TMEM108: variants seen among roughly 807,000 people sequenced by gnomAD.
TMEM108 encodes cancer/testis antigen 124.
In TMEM108, 12 loss-of-function variants were observed where a neutral mutation model predicts 35.1. The observed-to-expected ratio is 0.34, with a 90% CI of 0.22 to 0.55. TMEM108 has a LOEUF of 0.55. Among genes scored for constraint, TMEM108 ranks in the 20% least tolerant of loss-of-function variants. The probability of loss-of-function intolerance (pLI) is 0.89; values close to 1 mark genes in which losing one functional copy is unlikely to be tolerated. For missense variants in TMEM108, 680 were observed against 753.3 expected (o/e 0.90, Z 1.14); for synonymous variants, 287 against 308.6 (o/e 0.93, Z 0.73).
chr3:133,210,021 A>G lies in TMEM108; in HGVS notation c.-46-19245A>G, dbSNP rs531624442. 6.6e-4 allele frequency among the ~76,000 whole-genome samples: 100 copies of G among 152,314 alleles called. 2 individuals are homozygous for G. Among genetic ancestry groups the G allele is most frequent in the Non-Finnish European group, 6.3e-4 (43 of 68,030 alleles). On this transcript the variant is annotated intron_variant, in intron 2 of 5. Coordinates refer to ENST00000321871, the MANE Select transcript of TMEM108 (RefSeq NM_023943.4). ...AAAGCTCATGTTGCTTAAAACTTGAATTGCATGAAAGGCATTGGATCCAAA... is the reference window on the plus strand; with the variant it reads ...AAAGCTCATGTTGCTTAAAACTTGAGTTGCATGAAAGGCATTGGATCCAAA...
chr3:133,222,687 T>A (rs1247099244), intron 2 of TMEM108, among the ~76,000 whole-genome samples: 1 of 152,112 alleles, frequency 6.6e-6, no homozygotes, highest in Non-Finnish European at 1.5e-5. Context: ...TTCATTTCTT[T>A]CATTGTATTA....
chr3:133,191,780 A>T (rs1340323783), intron 2 of TMEM108, among the ~76,000 whole-genome samples: 6 of 152,176 alleles, frequency 3.9e-5, no homozygotes, highest in Non-Finnish European at 8.8e-5. Context: ...GATTTTTAGA[A>T]GCTAGGAGGT....
intron 2 of TMEM108, among the ~76,000 whole-genome samples, chr3:133,204,488 C>T (rs535331780): frequency 3.9e-5 from 6 of 152,208 alleles, no homozygotes; most frequent in East Asian, 1.9e-4. Context: ...CCCAGAGATT[C>T]GGGTACATTG....
intron 3 of TMEM108, among the ~76,000 whole-genome samples, chr3:133,321,879 C>T (rs980362353): frequency 6.6e-6 from 1 of 152,104 alleles, no homozygotes; most frequent in Non-Finnish European, 1.5e-5. Flanking sequence ...AAATGGAACC[C>T]TCAAAACTAT....
intron 2 of TMEM108, among the ~76,000 whole-genome samples, chr3:133,194,344 CTTCT>C (rs1472438550): frequency 1.3e-5 from 2 of 152,158 alleles, no homozygotes; most frequent in Non-Finnish European, 2.9e-5. Context: ...GAGATTCTGA[CTTCT>C]TTGAGTGTGT....
chr3:133,101,963 C>T (rs1268350677), intron 2 of TMEM108, among the ~76,000 whole-genome samples: 1 of 152,170 alleles, frequency 6.6e-6, no homozygotes, highest in African/African-American at 2.4e-5. Flanking sequence ...CCTAATTTGA[C>T]AGTAATTTTT....
chr3:133,377,576 T>A (rs929864914), intron 3 of TMEM108, among the ~76,000 whole-genome samples: 1 of 152,210 alleles, frequency 6.6e-6, no homozygotes, highest in African/African-American at 2.4e-5. Flanking sequence ...AAACCTCAAT[T>A]TCATGCTCCA....
At chr3:133,287,942 A>C (rs1947007976) in intron 3 of TMEM108, among the ~76,000 whole-genome samples, 1 of 152,182 alleles carries the variant, frequency 6.6e-6, no homozygotes, top group Non-Finnish European at 1.5e-5. Context: ...TTATGTTCCC[A>C]ACGTCATCCC....
intron 3 of TMEM108, among the ~76,000 whole-genome samples, chr3:133,314,872 G>A (rs77100424): frequency 0.044 from 6,672 of 152,272 alleles, 187 homozygotes; most frequent in Non-Finnish European, 0.064. Flanking sequence ...CAGTGACAAC[G>A]ACAACCTGGA....
intron 3 of TMEM108, among the ~76,000 whole-genome samples, chr3:133,295,082 A>G (rs181611306): frequency 6.6e-6 from 1 of 152,344 alleles, no homozygotes; most frequent in East Asian, 1.9e-4. Flanking sequence ...TAAAATGATG[A>G]ATTTAAATAA....
chr3:133,198,865 G>A (rs545150398), intron 2 of TMEM108, among the ~76,000 whole-genome samples: 1 of 152,172 alleles, frequency 6.6e-6, no homozygotes, highest in South Asian at 2.1e-4. Context: ...TTCCAGGAGT[G>A]GAAACACTCC....
chr3:133,083,419 G>A (rs955963716), intron 2 of TMEM108, among the ~76,000 whole-genome samples: 3 of 152,152 alleles, frequency 2.0e-5, no homozygotes, highest in East Asian at 1.9e-4. Flanking sequence ...GGAACAGGAC[G>A]TTGGGTAAGT....
intron 5 of TMEM108, among the ~76,000 whole-genome samples, chr3:133,392,438 T>C (rs528138310): frequency 5.5e-4 from 83 of 152,236 alleles, no homozygotes; most frequent in African/African-American, 2.0e-3. Flanking sequence ...GCTGGGATTA[T>C]AGGCGTGAGC....
At chr3:133,196,618 T>C (rs536617874) in intron 2 of TMEM108, among the ~76,000 whole-genome samples, 113 of 152,320 alleles carry the variant, frequency 7.4e-4, no homozygotes, top group African/African-American at 2.5e-3. Context: ...AGGTAGGGGA[T>C]TGCATTCAGC....
intron 2 of TMEM108, among the ~76,000 whole-genome samples, chr3:133,166,804 A>G (rs1292494944): frequency 6.6e-6 from 1 of 152,206 alleles, no homozygotes; most frequent in African/African-American, 2.4e-5. Context: ...AAGCTCCCAC[A>G]GTGTGGAAGG....
chr3:133,291,950 A>G (rs560847161), intron 3 of TMEM108, among the ~76,000 whole-genome samples: 2 of 152,316 alleles, frequency 1.3e-5, no homozygotes, highest in South Asian at 4.1e-4. Flanking sequence ...CATTTGGCTG[A>G]GCAGGATCTG....
intron 3 of TMEM108, among the ~76,000 whole-genome samples, chr3:133,315,779 A>G (rs553244150): frequency 6.6e-6 from 1 of 152,370 alleles, no homozygotes; most frequent in South Asian, 2.1e-4. Context: ...AATTTAACCC[A>G]ACTTTGGCAA....
chr3:133,292,076 A>G (rs1947077458), intron 3 of TMEM108, among the ~76,000 whole-genome samples: 1 of 152,216 alleles, frequency 6.6e-6, no homozygotes, highest in African/African-American at 2.4e-5. Context: ...ATTCTTAAGA[A>G]GTGCCTCAGA....
Position 133,143,921 on chromosome 3 carries a change from C to CTTTTATTTTATTTTATTTTATTTTA in TMEM108, c.-46-85305_-46-85281dup, listed in dbSNP as rs3078779. ...ATTCTACAAGGGAAAGGAAGGCTCA[C>CTTTTATTTTATTTTATTTTATTTTA]TTTTATTTTATTTTATTTTATTTTA... On this transcript the variant is annotated intron_variant, in intron 2 of 5. Transcript: ENST00000321871. Among the ~76,000 whole-genome samples, 322 of 131,238 alleles carry CTTTTATTTTATTTTATTTTATTTTA rather than the reference C, an allele frequency of 2.5e-3. 5 individuals are homozygous for CTTTTATTTTATTTTATTTTATTTTA. The highest frequency in any genetic ancestry group is 8.5e-3 in the African/African-American group (288 of 33,858). 86.1% of individuals were successfully genotyped at this position (131,238 alleles called of 152,430 possible).
Sources: allele counts gnomAD v4.1 joint callset (sites outside exome capture counted in the v4.1 genomes callset), GRCh38; gene constraint gnomAD v4.1.1; transcripts MANE v1.5; gene names NCBI Gene and HGNC (gene_info 2026-07-23, HGNC 2026-07-21).